The following MYO18B variants were observed in gnomAD, a reference collection of about 807,000 sequenced individuals.
MYO18B encodes the protein unconventional myosin-XVIIIb.
MYO18B carries 204 observed loss-of-function variants against 273.0 expected under a neutral mutation model. The ratio of observed to expected loss-of-function variants is 0.75; its 90% CI spans 0.67 to 0.84. The LOEUF (loss-of-function observed/expected upper bound fraction) is 0.84. Among genes scored for constraint, MYO18B ranks in the 40% least tolerant of loss-of-function variants. The probability of loss-of-function intolerance (pLI) is 0.00; values close to 1 mark genes in which losing one functional copy is unlikely to be tolerated. For synonymous variants in MYO18B, 1,330 were observed against 1,305.7 expected (o/e 1.02, Z -0.40); for missense variants, 3,212 against 3,287.6 (o/e 0.98, Z 0.56).
intron 11 of MYO18B, among the ~76,000 whole-genome samples, chr22:25,792,297 C>T (rs1450322750): frequency 6.6e-6 from 1 of 152,070 alleles, no homozygotes; most frequent in Admixed American, 6.6e-5. Flanking sequence ...CAACAGAATA[C>T]GTGCTCAGTG....
intron 12 of MYO18B, among the ~76,000 whole-genome samples, chr22:25,818,774 T>C (rs1482506601): frequency 2.0e-5 from 3 of 152,158 alleles, no homozygotes; most frequent in African/African-American, 7.2e-5. Context: ...GGAATTGCAA[T>C]TTTTTGAGCA....
chr22:25,903,963 C>T (rs373328939), intron 31 of MYO18B, 132 bp downstream of exon 31: 3 of 946,158 alleles, frequency 3.2e-6, no homozygotes, highest in South Asian at 3.4e-5. Context: ...TCCCAGGGAA[C>T]CTTTAAGCTC....
chr22:25,909,237 C>T (rs537117640), intron 32 of MYO18B, among the ~76,000 whole-genome samples: 1 of 152,304 alleles, frequency 6.6e-6, no homozygotes, highest in African/African-American at 2.4e-5. Flanking sequence ...GGTTAAGCCT[C>T]GTTTAACAGG....
chr22:25,946,914 A>G (rs1186349020), intron 35 of MYO18B, among the ~76,000 whole-genome samples: 2 of 152,264 alleles, frequency 1.3e-5, no homozygotes, highest in Non-Finnish European at 2.9e-5. Flanking sequence ...ATGGACATAT[A>G]TTGTCGATGT....
chr22:25,880,895 G>T (rs1194679812), intron 25 of MYO18B, among the ~76,000 whole-genome samples: 1 of 152,256 alleles, frequency 6.6e-6, no homozygotes, highest in Non-Finnish European at 1.5e-5. Context: ...TCTATATGCA[G>T]ATCTGGTGGA....
At position 25,769,448 on chromosome 22, in the gene MYO18B, G is replaced by A. The variant is rs1464818228; in HGVS notation, c.1512+20G>A. On this transcript the variant is annotated intron_variant, in intron 4 of 43. Transcript: ENST00000335473. ...GACCAGGTGAGGGGGCTGCGGCCCT[G>A]GGAGCGGGAAGCGGCAGACAGGCCT... The A allele has an allele frequency of 1.3e-6, 2 of 1,495,674 alleles. No homozygotes were observed. Among genetic ancestry groups the A allele is most frequent in the South Asian group, 1.3e-5 (1 of 74,918 alleles). The allele number at this position is 1,495,674 out of a possible 1,614,324, so 92.7% of individuals were successfully genotyped here. A position where few individuals can be genotyped will look rare whatever the true frequency, so the allele number is the denominator to read the frequency against.
At chr22:25,966,503 G>A (rs570569947) in intron 39 of MYO18B, among the ~76,000 whole-genome samples, 11 of 152,328 alleles carry the variant, frequency 7.2e-5, no homozygotes, top group Admixed American at 5.2e-4. Flanking sequence ...GGGGCCATGA[G>A]CCGGGTGTAA....
At chr22:25,921,117 G>C in intron 33 of MYO18B, 140 bp from the exon 34 acceptor site, 1 of 807,454 alleles carries the variant, frequency 1.2e-6, no homozygotes, top group Non-Finnish European at 1.9e-6. Context: ...CTGAGGCTCG[G>C]AGAGGAGAAT....
intron 22 of MYO18B, among the ~76,000 whole-genome samples, chr22:25,869,178 T>A (rs1035856996): frequency 2.6e-5 from 4 of 151,952 alleles, no homozygotes; most frequent in African/African-American, 9.7e-5. Flanking sequence ...GCCGGGCGTG[T>A]TGGCTCATGC....
the MYO18B span, among the ~76,000 whole-genome samples, chr22:26,038,264 AT>A: frequency 6.6e-6 from 1 of 152,140 alleles, no homozygotes; most frequent in Non-Finnish European, 1.5e-5. Context: ...TTAGGTCTAC[AT>A]TCTTTCTTTC....
rs148801980 is a variant in MYO18B, at chr22:25,801,028, T to C, written c.2521+2931T>C. Among the ~76,000 whole-genome samples the C allele has an allele frequency of 1.3e-3, 203 of 152,358 alleles. 3 individuals are homozygous for C. The highest frequency in any genetic ancestry group is 2.4e-4 in the Non-Finnish European group (16 of 68,034). On this transcript the variant is annotated intron_variant, in intron 12 of 43. Coordinates refer to ENST00000335473, the MANE Select transcript of MYO18B (RefSeq NM_032608.7). ...TATTCTGCTTTGAAAGATTTCATAA[T>C]AGGTTGCTCTAAAATCAGCTATTAA...
intron 12 of MYO18B, among the ~76,000 whole-genome samples, chr22:25,821,822 T>C (rs1467359194): frequency 1.3e-5 from 2 of 152,198 alleles, no homozygotes; most frequent in African/African-American, 4.8e-5. Flanking sequence ...AGAAGTCATT[T>C]ATTTTTCTAT....
At chr22:25,920,459 A>C (rs1021961955) in intron 33 of MYO18B, among the ~76,000 whole-genome samples, 1 of 152,188 alleles carries the variant, frequency 6.6e-6, no homozygotes, top group Non-Finnish European at 1.5e-5. Context: ...AAGGCTGTCA[A>C]GGAGTCTAAG....
chr22:25,987,061 G>A (rs1344197929), intron 39 of MYO18B, among the ~76,000 whole-genome samples: 1 of 152,134 alleles, frequency 6.6e-6, no homozygotes, highest in African/African-American at 2.4e-5. Context: ...AGTGTAAATT[G>A]TGTGGCACAG....
intron 33 of MYO18B, among the ~76,000 whole-genome samples, chr22:25,917,694 T>C (rs951336304): frequency 1.4e-4 from 21 of 152,170 alleles, no homozygotes; most frequent in African/African-American, 4.1e-4. Context: ...ATGACTGATA[T>C]ATTTGAAACT....
At chr22:25,960,664 T>C (rs1327113621) in intron 39 of MYO18B, among the ~76,000 whole-genome samples, 1 of 152,184 alleles carries the variant, frequency 6.6e-6, no homozygotes, top group African/African-American at 2.4e-5. Flanking sequence ...GATTTTACCC[T>C]ATTATTTTTC....
At chr22:25,818,734 G>A (rs1024789164) in intron 12 of MYO18B, among the ~76,000 whole-genome samples, 2 of 152,140 alleles carry the variant, frequency 1.3e-5, no homozygotes, top group Non-Finnish European at 2.9e-5. Flanking sequence ...GGGCTGAAGG[G>A]TACCCTCCTT....
intron 12 of MYO18B, among the ~76,000 whole-genome samples, chr22:25,813,129 C>G (rs770302783): frequency 3.3e-5 from 5 of 150,564 alleles, no homozygotes; most frequent in Non-Finnish European, 7.4e-5. Context: ...TCTCCCTTCC[C>G]TCTCCCTCCT....
At chr22:25,765,755 CATGGGCAT>C (rs1464669813) in intron 3 of MYO18B, among the ~76,000 whole-genome samples, 1 of 151,490 alleles carries the variant, frequency 6.6e-6, no homozygotes, top group African/African-American at 2.4e-5. Context: ...GAAGAGAATC[CATGGGCAT>C]ATGAGGGTGG....
Sources: gnomAD v4.1 joint callset for allele counts (sites outside exome capture counted in the v4.1 genomes callset) on GRCh38, gnomAD v4.1.1 for gene constraint, MANE v1.5 for transcripts, NCBI Gene and HGNC (gene_info 2026-07-23, HGNC 2026-07-21) for gene names.